MRPL57: variants seen among roughly 807,000 people sequenced by gnomAD.
The protein encoded by MRPL57 is large ribosomal subunit protein mL63.
MRPL57 carries 1 observed loss-of-function variant against 1.3 expected under a neutral mutation model. The observed-to-expected ratio is 0.79, with a 90% CI of 0.28 to 3.75. MRPL57 has a LOEUF of 3.75. MRPL57 is among the 30% of genes most tolerant of loss of function. The pLI is 0.19. For missense variants in MRPL57, 170 were observed against 148.9 expected (o/e 1.14, Z -0.74); for synonymous variants, 79 against 61.7 (o/e 1.28, Z -1.31).
rs1322460663 is a variant in MRPL57 at position 21,177,800 on chromosome 13, CT to C, written c.*576del. On this transcript the variant is annotated 3_prime_UTR_variant, in exon 2 of 2. Coordinates refer to ENST00000309594, the MANE Select transcript of MRPL57 (RefSeq NM_024026.5). ...GCTTGGCCAAGGTGATAAAACCCGTCTCTACTAATACAAAAAAAATTAGCTG... is the reference window on the plus strand; with the variant it reads ...GCTTGGCCAAGGTGATAAAACCCGTCCTACTAATACAAAAAAAATTAGCTG... 10 of 167,558 alleles carry C rather than the reference CT, an allele frequency of 6.0e-5. No homozygotes were observed. The highest frequency in any genetic ancestry group is 2.4e-4 in the African/African-American group (10 of 41,238). 10.4% of individuals were successfully genotyped at this position (167,558 alleles called of 1,614,324 possible). A position where few individuals can be genotyped will look rare whatever the true frequency, so the allele number is the denominator to read the frequency against.
At chr13:21,176,799 G>C in intron 1 of MRPL57, 82 bp downstream of exon 1, 1 of 1,127,086 alleles carries the variant, frequency 8.9e-7, no homozygotes. Context: ...CTTCTCTGGA[G>C]GGGAGGCGGT....
At position 21,176,932 on chromosome 13, in the gene MRPL57, C is replaced by G. The variant is rs1871596992; in HGVS notation, c.16C>G (p.Leu6Val). Residue 6 changes from leucine (L) to valine (V), a missense_variant, in exon 2 of 2, where the codon CTC becomes GTC. Coordinates refer to ENST00000309594, the MANE Select transcript of MRPL57 (RefSeq NM_024026.5). MFLTA[L>V]LWRGRIPGRQ... ...CGCAGGCACCATGTTCCTGACTGCG[C>G]TCCTCTGGCGCGGCCGCATTCCCGG... 2.5e-5 allele frequency: 40 copies of G among 1,609,460 alleles called. No individual in the cohort carries two copies. Among genetic ancestry groups the G allele is most frequent in the Non-Finnish European group, 3.3e-5 (39 of 1,179,458 alleles).
Position 21,177,396 on chromosome 13 carries a change from A to C in MRPL57, c.*171A>C. 2.3e-5 allele frequency: 15 copies of C among 662,700 alleles called. No individual in the cohort carries two copies. The highest frequency in any genetic ancestry group is 2.9e-5 in the Non-Finnish European group (11 of 381,698). 41.1% of individuals were successfully genotyped at this position (662,700 alleles called of 1,614,324 possible). A position where few individuals can be genotyped will look rare whatever the true frequency, so the allele number is the denominator to read the frequency against. On this transcript the variant is annotated 3_prime_UTR_variant, in exon 2 of 2. Coordinates refer to ENST00000309594, the MANE Select transcript of MRPL57 (RefSeq NM_024026.5). ...GAATATCTAGAGCTCTAAACCCCCA[A>C]TACTTAAAAGTCTAATTGCTGTCCT...
At chr13:21,176,883 T>G (rs1254889673) in intron 1 of MRPL57, 29 bp from the exon 2 acceptor site, 5 of 1,590,584 alleles carry the variant, frequency 3.1e-6, no homozygotes, top group Non-Finnish European at 4.3e-6. Context: ...CCAGTTCGCC[T>G]CCGCAAAGCC....
Position 21,176,986 on chromosome 13 carries a change from C to T in MRPL57, c.70C>T (p.Pro24Ser), listed in dbSNP as rs772852372. 36 of 1,612,042 alleles carry T rather than the reference C, an allele frequency of 2.2e-5. No homozygotes were observed. Among genetic ancestry groups the T allele is most frequent in the Non-Finnish European group, 2.9e-5 (34 of 1,179,948 alleles). Residue 24 changes from proline to serine, a missense_variant, in exon 2 of 2, where the codon CCG becomes TCG. By Grantham distance (74) the Pro-to-Ser change is moderately conservative. Transcript: ENST00000309594. ...GRQWIGKHRRPRFVSLRAKQN... is the reference protein window; with the variant it reads ...GRQWIGKHRRSRFVSLRAKQN... ...TCAGTGGATCGGGAAGCACCGGCGG[C>T]CGCGGTTCGTGTCGTTGCGCGCCAA... is the stretch of plus-strand genomic sequence containing the variant.
At position 21,176,923 on chromosome 13, in the gene MRPL57, C is replaced by T. The variant is rs750060833; in HGVS notation, c.7C>T (p.Leu3=). The change falls in exon 2 of 2, where the codon CTG becomes TTG. Residue 3 remains leucine, a synonymous_variant. Transcript: ENST00000309594. MF[L]TALLWRGRIP... Reference sequence around the variant, plus strand: ...CCTCTCTTCCGCAGGCACCATGTTCCTGACTGCGCTCCTCTGGCGCGGCCG... The same window carrying T: ...CCTCTCTTCCGCAGGCACCATGTTCTTGACTGCGCTCCTCTGGCGCGGCCG... The T allele has an allele frequency of 1.2e-5, 20 of 1,607,970 alleles. No individual in the cohort carries two copies. In the East Asian group the frequency reaches 3.8e-4, roughly 30 times the overall value.
At chr13:21,176,799 G>T in intron 1 of MRPL57, 82 bp downstream of exon 1, 1 of 1,127,086 alleles carries the variant, frequency 8.9e-7, no homozygotes. Context: ...CTTCTCTGGA[G>T]GGGAGGCGGT....
chr13:21,177,157 A>G lies in MRPL57; in HGVS notation c.241A>G (p.Lys81Glu), dbSNP rs1406972228. ...GGCCATAAAGGCGGCCGCCACTTCCAAGTTCCCCCCGCATAGATTCATTGC... is the reference window on the plus strand; with the variant it reads ...GGCCATAAAGGCGGCCGCCACTTCCGAGTTCCCCCCGCATAGATTCATTGC... ...FEAIKAAATSKFPPHRFIADQ... is the reference protein window; with the variant it reads ...FEAIKAAATSEFPPHRFIADQ... Residue 81 changes from lysine (K) to glutamate (E), a missense_variant, in exon 2 of 2, where the codon AAG becomes GAG. Coordinates refer to ENST00000309594, the MANE Select transcript of MRPL57 (RefSeq NM_024026.5). The G allele has an allele frequency of 6.2e-7, 1 of 1,614,152 alleles. No individual in the cohort carries two copies. The highest frequency in any genetic ancestry group is 1.1e-5 in the South Asian group (1 of 91,084).
chr13:21,179,032 AATTT>A lies in MRPL57; in HGVS notation c.*1809_*1812del, dbSNP rs978261167. 1 of 167,086 alleles carries A rather than the reference AATTT, an allele frequency of 6.0e-6. No individual in the cohort carries two copies. The highest frequency in any genetic ancestry group is 2.4e-5 in the African/African-American group (1 of 41,454). 10.4% of individuals were successfully genotyped at this position (167,086 alleles called of 1,614,324 possible). A position where few individuals can be genotyped will look rare whatever the true frequency, so the allele number is the denominator to read the frequency against. On this transcript the variant is annotated 3_prime_UTR_variant, in exon 2 of 2. Transcript: ENST00000309594. ...TTGAAAATAATTTAATATACCATGT[AATTT>A]ACCAGTTGAAGATGTTCGCTTTCAG...
At position 21,177,228 on chromosome 13, in the gene MRPL57, C is replaced by G; in HGVS notation, c.*3C>G. 6.2e-7 allele frequency: 1 copy of G among 1,613,304 alleles called. No homozygotes were observed. Among genetic ancestry groups the G allele is most frequent in the Non-Finnish European group, 8.5e-7 (1 of 1,179,960 alleles). ...ATGTCACCAAGAAATGGTCCTAATCCTGAGTCGTCACCCTTGGATTTTATG... is the reference window on the plus strand; with the variant it reads ...ATGTCACCAAGAAATGGTCCTAATCGTGAGTCGTCACCCTTGGATTTTATG... On this transcript the variant is annotated 3_prime_UTR_variant, in exon 2 of 2. Coordinates refer to ENST00000309594, the MANE Select transcript of MRPL57 (RefSeq NM_024026.5).
In MRPL57 at chr13:21,176,966, G is replaced by A; in HGVS notation, c.50G>A (p.Trp17Ter). 1 of 1,612,128 alleles carries A rather than the reference G, an allele frequency of 6.2e-7. No homozygotes were observed. The highest frequency in any genetic ancestry group is 8.5e-7 in the Non-Finnish European group (1 of 1,179,862). Residue 17 changes from tryptophan to a stop codon, truncating the protein, a stop_gained, in exon 2 of 2, where the codon TGG becomes TAG. Coordinates refer to ENST00000309594, the MANE Select transcript of MRPL57 (RefSeq NM_024026.5). LOFTEE classifies it low-confidence loss of function (END_TRUNC). ...CGCGGCCGCATTCCCGGCCGTCAGT[G>A]GATCGGGAAGCACCGGCGGCCGCGG... ...LWRGRIPGRQWIGKHRRPRFV... is the reference protein window; with the variant it reads ...LWRGRIPGRQ
In MRPL57 at chr13:21,177,522, T is replaced by TCC. The variant is rs1871649855; in HGVS notation, c.*297_*298insCC. 2.4e-6 allele frequency: 1 copy of TCC among 424,532 alleles called. No individual in the cohort carries two copies. Among genetic ancestry groups the TCC allele is most frequent in the Non-Finnish European group, 4.4e-6 (1 of 229,266 alleles). The allele number at this position is 424,532 out of a possible 1,614,324, so 26.3% of individuals were successfully genotyped here. On this transcript the variant is annotated 3_prime_UTR_variant, in exon 2 of 2. Transcript: ENST00000309594. ...AGCCACAATGATTTGAGGTCTTTGC[T>TCC]TAAGTATGAGATACTTGATGGGGGC...
Position 21,177,415 on chromosome 13 carries a change from C to T in MRPL57, c.*190C>T. On this transcript the variant is annotated 3_prime_UTR_variant, in exon 2 of 2. Transcript: ENST00000309594. ...CCCCCAATACTTAAAAGTCTAATTG[C>T]TGTCCTGTGGTTTCATTAGTCTGAT... 1 of 630,050 alleles carries T rather than the reference C, an allele frequency of 1.6e-6. No individual in the cohort carries two copies. The highest frequency in any genetic ancestry group is 2.8e-6 in the Non-Finnish European group (1 of 356,852). 39.0% of individuals were successfully genotyped at this position (630,050 alleles called of 1,614,324 possible). A position where few individuals can be genotyped will look rare whatever the true frequency, so the allele number is the denominator to read the frequency against.
rs1192337347 is a variant in MRPL57, at chr13:21,177,029, G to C, written c.113G>C (p.Arg38Pro). 1.2e-6 allele frequency: 2 copies of C among 1,613,336 alleles called. No individual in the cohort carries two copies. Among genetic ancestry groups the C allele is most frequent in the East Asian group, 4.5e-5 (2 of 44,880 alleles). ...SLRAKQNMIR[R>P]LEIEAENHYW... ...CGCGCCAAGCAGAACATGATCCGCCGCCTGGAGATCGAGGCGGAGAACCAT... is the reference window on the plus strand; with the variant it reads ...CGCGCCAAGCAGAACATGATCCGCCCCCTGGAGATCGAGGCGGAGAACCAT... Residue 38 changes from arginine to proline, a missense_variant, in exon 2 of 2, where the codon CGC (arginine) becomes CCC (proline). By Grantham distance (103) the Arg-to-Pro change is moderately radical. Transcript: ENST00000309594.
Position 21,177,240 on chromosome 13 carries a change from C to T in MRPL57, c.*15C>T, listed in dbSNP as rs767654661. On this transcript the variant is annotated 3_prime_UTR_variant, in exon 2 of 2. Transcript: ENST00000309594. ...AATGGTCCTAATCCTGAGTCGTCAC[C>T]CTTGGATTTTATGGATCACGGAGCT... 1.4e-5 allele frequency: 23 copies of T among 1,612,292 alleles called. No homozygotes were observed. Among genetic ancestry groups the T allele is most frequent in the African/African-American group, 4.0e-5 (3 of 74,860 alleles).
chr13:21,176,857 TC>T (rs1230246889), intron 1 of MRPL57, 54 bp from the exon 2 acceptor site: 11 of 1,571,238 alleles, frequency 7.0e-6, no homozygotes, highest in Non-Finnish European at 8.6e-6. Context: ...CGCTGCTCTC[TC>T]CAGGTCCGGC....
Position 21,176,995 on chromosome 13 carries a change from G to A in MRPL57, c.79G>A (p.Val27Met). The A allele has an allele frequency of 1.2e-6, 2 of 1,612,398 alleles. No individual in the cohort carries two copies. Among genetic ancestry groups the A allele is most frequent in the Non-Finnish European group, 8.5e-7 (1 of 1,179,942 alleles). ...CGGGAAGCACCGGCGGCCGCGGTTC[G>A]TGTCGTTGCGCGCCAAGCAGAACAT... ...WIGKHRRPRF[V>M]SLRAKQNMIR... Residue 27 changes from valine to methionine, a missense_variant, in exon 2 of 2, where the codon GTG becomes ATG. Val to Met is a conservative substitution (Grantham distance 21). Transcript: ENST00000309594.
rs1364076222 is a variant in MRPL57 at position 21,178,263 on chromosome 13, C to T, written c.*1038C>T. 1 of 152,060 alleles carries T rather than the reference C, an allele frequency of 6.6e-6. No homozygotes were observed. The highest frequency in any genetic ancestry group is 2.4e-5 in the African/African-American group (1 of 41,324). 9.4% of individuals were successfully genotyped at this position (152,060 alleles called of 1,614,324 possible). ...ACCAGCCCAACCAACATGGTGAAAC[C>T]CTGTCTCCACTGAAAATACATAAAA... On this transcript the variant is annotated 3_prime_UTR_variant, in exon 2 of 2. Transcript: ENST00000309594.
In MRPL57 at chr13:21,177,183, G is replaced by A. The variant is rs752533343; in HGVS notation, c.267G>A (p.Ala89=). ...TSKFPPHRFI[A]DQLDHLNVTK... ...AGTTCCCCCCGCATAGATTCATTGCGGACCAGCTCGACCATCTCAATGTCA... is the reference window on the plus strand; with the variant it reads ...AGTTCCCCCCGCATAGATTCATTGCAGACCAGCTCGACCATCTCAATGTCA... The change falls in exon 2 of 2, where the codon GCG becomes GCA. Residue 89 remains alanine (A), a synonymous_variant. Coordinates refer to ENST00000309594, the MANE Select transcript of MRPL57 (RefSeq NM_024026.5). 1.2e-6 allele frequency: 2 copies of A among 1,613,974 alleles called. No individual in the cohort carries two copies. Among genetic ancestry groups the A allele is most frequent in the African/African-American group, 2.7e-5 (2 of 74,934 alleles).
Sources: gnomAD v4.1 joint callset for allele counts on GRCh38, gnomAD v4.1.1 for gene constraint, MANE v1.5 for transcripts, NCBI Gene and HGNC (gene_info 2026-07-23, HGNC 2026-07-21) for gene names.